Variants in TCEA2 observed in about 807,000 individuals in gnomAD.
TCEA2 encodes the protein transcription elongation factor A protein 2.
Under a neutral mutation model 40.8 loss-of-function variants are expected in TCEA2, and 21 were observed. That is an observed-to-expected ratio of 0.51 (90% confidence interval 0.36 to 0.74). The LOEUF is 0.74. Ranked by LOEUF, TCEA2 falls within the 30% of genes least tolerant of loss-of-function variation. TCEA2 has a pLI of 0.00. For synonymous variants in TCEA2, 165 were observed against 162.7 expected (o/e 1.01, Z -0.11); for missense variants, 326 against 426.5 (o/e 0.76, Z 2.08).
upstream of TCEA2, among the ~76,000 whole-genome samples, chr20:64,055,963 G>A (rs1035664872): frequency 2.6e-5 from 4 of 152,092 alleles, no homozygotes; most frequent in East Asian, 1.9e-4. This position sits in a 1 kb window ranked among gnomAD's most constrained non-coding sequence, Gnocchi z 4.0. Context: ...CCGACCCCAC[G>A]GCTGCCTGGG....
chr20:64,061,915 G>C (rs995470645), upstream of TCEA2, among the ~76,000 whole-genome samples: 28 of 151,912 alleles, frequency 1.8e-4, no homozygotes, highest in Non-Finnish European at 3.8e-4. Flanking sequence ...TCTTTGTAGA[G>C]ACGGGGTTTC....
chr20:64,068,928 C>G (rs1019110667), intron 4 of TCEA2, among the ~76,000 whole-genome samples: 1 of 152,246 alleles, frequency 6.6e-6, no homozygotes, highest in Non-Finnish European at 1.5e-5. Context: ...TGTCTCCCCC[C>G]AGACAGCTGT....
At chr20:64,060,633 C>T (rs2145439010), upstream of TCEA2, among the ~76,000 whole-genome samples, 1 of 152,256 alleles carries the variant, frequency 6.6e-6, no homozygotes, top group East Asian at 1.9e-4. Flanking sequence ...CTTGGATGGT[C>T]TAGGCTGGAA....
chr20:64,065,041 G>A (rs2059655670), intron 1 of TCEA2, among the ~76,000 whole-genome samples: 1 of 152,074 alleles, frequency 6.6e-6, no homozygotes, highest in Non-Finnish European at 1.5e-5. Flanking sequence ...ATGAGGAGGG[G>A]AGGCGGGCGC....
chr20:64,059,770 G>A (rs1359023100), upstream of TCEA2, among the ~76,000 whole-genome samples: 1 of 152,162 alleles, frequency 6.6e-6, no homozygotes, highest in Non-Finnish European at 1.5e-5. Flanking sequence ...ACATTCAGAT[G>A]AACCAGATAT....
chr20:64,063,461 G>A, intron 1 of TCEA2, 77 bp downstream of exon 1: 1 of 1,489,416 alleles, frequency 6.7e-7, no homozygotes, highest in Non-Finnish European at 9.1e-7. Context: ...CCCCCGTTAG[G>A]GCCGGAAGAC....
At chr20:64,059,846 G>C (rs1403564005), upstream of TCEA2, among the ~76,000 whole-genome samples, 1 of 152,148 alleles carries the variant, frequency 6.6e-6, no homozygotes, top group Non-Finnish European at 1.5e-5. Context: ...TCAAGGCTGG[G>C]TCTCTAGTCT....
chr20:64,066,456 G>C lies in TCEA2; in HGVS notation c.73-20G>C. The C allele has an allele frequency of 6.2e-7, 1 of 1,612,954 alleles. No individual in the cohort carries two copies. Reference sequence around the variant, plus strand: ...GTTGAGATCTAAAGTCCTTTATGAAGGTCCTCCTTCTCCTTCCAGGAGGGA... The same window carrying C: ...GTTGAGATCTAAAGTCCTTTATGAACGTCCTCCTTCTCCTTCCAGGAGGGA... On this transcript the variant is annotated intron_variant, in intron 1 of 9. Coordinates refer to ENST00000343484, the MANE Select transcript of TCEA2 (RefSeq NM_003195.6).
intron 5 of TCEA2, 124 bp downstream of exon 5, chr20:64,069,615 C>T (rs911150313): frequency 2.6e-6 from 4 of 1,536,642 alleles, no homozygotes; most frequent in Admixed American, 3.7e-5. Context: ...ATTGCTGTGG[C>T]CCTGGCAGGG....
intron 5 of TCEA2, 98 bp from the exon 6 acceptor site, chr20:64,069,667 C>A (rs1039213228): frequency 2.6e-6 from 4 of 1,543,764 alleles, no homozygotes; most frequent in South Asian, 1.2e-5. Context: ...TTGCAGGGAC[C>A]CGGATGTGCC....
At chr20:64,064,556 G>T (rs940863659) in intron 1 of TCEA2, among the ~76,000 whole-genome samples, 4 of 152,200 alleles carry the variant, frequency 2.6e-5, no homozygotes, top group African/African-American at 9.6e-5. Flanking sequence ...CCAGCTGTGT[G>T]TCTGCCAGGC....
chr20:64,065,727 G>C (rs1020791972), intron 1 of TCEA2: 1 of 152,530 alleles, frequency 6.6e-6, no homozygotes, highest in Non-Finnish European at 1.5e-5. Flanking sequence ...TGGGTGGGGA[G>C]ACAAGGCGGA....
chr20:64,058,291 A>G (rs2059500634), upstream of TCEA2, among the ~76,000 whole-genome samples: 1 of 152,214 alleles, frequency 6.6e-6, no homozygotes. The surrounding 1 kb of genome is among the most constrained non-coding windows in gnomAD (Gnocchi z 6.7). Context: ...CACGTGCCCT[A>G]ATGCAGCCCC....
chr20:64,070,426 T>G lies in TCEA2; in HGVS notation c.672+12T>G. The G allele has an allele frequency of 6.2e-7, 1 of 1,613,986 alleles. No homozygotes were observed. The highest frequency in any genetic ancestry group is 8.5e-7 in the Non-Finnish European group (1 of 1,179,974). On this transcript the variant is annotated intron_variant, in intron 7 of 9. Coordinates refer to ENST00000343484, the MANE Select transcript of TCEA2 (RefSeq NM_003195.6). ...TGATGACCTCAGAGGTGAGCCCCTGTTGGAGGGGCTGGAGGGCTGCTCCCT... is the reference window on the plus strand; with the variant it reads ...TGATGACCTCAGAGGTGAGCCCCTGGTGGAGGGGCTGGAGGGCTGCTCCCT...
chr20:64,072,256 C>T lies in TCEA2; in HGVS notation c.*76C>T. 6.5e-7 allele frequency: 1 copy of T among 1,544,176 alleles called. No individual in the cohort carries two copies. The highest frequency in any genetic ancestry group is 1.4e-5 in the African/African-American group (1 of 73,172). ...CCGTTGACACAGCTTCTCTGGAGAC[C>T]CTAGAAGGCGGCATGTCCTGCCCTC... On this transcript the variant is annotated 3_prime_UTR_variant, in exon 10 of 10. Transcript: ENST00000343484.
At chr20:64,071,787 AG>A in intron 8 of TCEA2, 82 bp from the exon 9 acceptor site, 1 of 1,515,822 alleles carries the variant, frequency 6.6e-7, no homozygotes, top group Non-Finnish European at 8.9e-7. Flanking sequence ...AGTGGCTGCG[AG>A]GCCCGCACTG....
chr20:64,068,209 C>A, intron 4 of TCEA2, 75 bp downstream of exon 4: 2 of 1,299,678 alleles, frequency 1.5e-6, no homozygotes, highest in South Asian at 1.3e-5. Flanking sequence ...GGGTGCCAGT[C>A]TCCATGTGCC....
In TCEA2 at chr20:64,071,867, C is replaced by T; in HGVS notation, c.820-3C>T. On this transcript the variant is annotated splice_polypyrimidine_tract_variant and splice_region_variant and intron_variant, in intron 8 of 9. Coordinates refer to ENST00000343484, the MANE Select transcript of TCEA2 (RefSeq NM_003195.6). ...CCCTGGGTTCACCCAGCCCTGTTCA[C>T]AGGTGCAGACCCGCAGCTCTGATGA... 1 of 1,613,976 alleles carries T rather than the reference C, an allele frequency of 6.2e-7. No homozygotes were observed. The highest frequency in any genetic ancestry group is 8.5e-7 in the Non-Finnish European group (1 of 1,179,990).
chr20:64,057,342 G>T (rs566682464), exon 1 of TCEA2: 5 of 152,412 alleles, frequency 3.3e-5, no homozygotes, highest in Admixed American at 3.3e-4. Context: ...GCGGCTGAGG[G>T]ATCCAGGCCT....
Sources: allele counts gnomAD v4.1 joint callset (sites outside exome capture counted in the v4.1 genomes callset), GRCh38; gene constraint gnomAD v4.1.1; non-coding constraint Gnocchi (gnomAD v3.1); transcripts MANE v1.5; gene names NCBI Gene and HGNC (gene_info 2026-07-23, HGNC 2026-07-21).